The following RANBP1 variants were observed in gnomAD, a reference collection of about 807,000 sequenced individuals.
RANBP1 encodes ran-specific GTPase-activating protein.
A neutral mutation model predicts 31.4 loss-of-function variants in RANBP1; 16 were observed. The ratio of observed to expected loss-of-function variants is 0.51; its 90% confidence interval spans 0.34 to 0.77. The LOEUF (loss-of-function observed/expected upper bound fraction) is 0.77, where lower values mean the gene tolerates loss of function less well. RANBP1 is among the 30% of genes least tolerant of loss of function. The pLI, the probability that RANBP1 is intolerant of heterozygous loss-of-function variation, is 0.01. For missense variants in RANBP1, 265 were observed against 362.0 expected (o/e 0.73, Z 2.17); for synonymous variants, 129 against 140.5 (o/e 0.92, Z 0.58).
Position 20,116,435 on chromosome 22 carries a change from A to C in RANBP1, c.246+5A>C. ...TCCAGTTTAAAGATCTCAGAGGTAAACAAGTCATCCCTGATGTAGCTGTAG... is the reference window on the plus strand; with the variant it reads ...TCCAGTTTAAAGATCTCAGAGGTAACCAAGTCATCCCTGATGTAGCTGTAG... On this transcript the variant is annotated splice_donor_5th_base_variant and intron_variant, in intron 1 of 5. Transcript: ENST00000430524. 6.2e-7 allele frequency: 1 copy of C among 1,612,648 alleles called. No homozygotes were observed. The highest frequency in any genetic ancestry group is 1.7e-5 in the Admixed American group (1 of 60,016).
At chr22:20,120,220 A>T (rs1043307910) in intron 2 of RANBP1, among the ~76,000 whole-genome samples, 4 of 152,160 alleles carry the variant, frequency 2.6e-5, no homozygotes, top group Admixed American at 6.5e-5. Flanking sequence ...GCCAGGAGGG[A>T]TACCTGGGAA....
chr22:20,127,134 T>C lies in RANBP1; in HGVS notation c.*82T>C. 1 of 1,186,734 alleles carries C rather than the reference T, an allele frequency of 8.4e-7. No homozygotes were observed. The highest frequency in any genetic ancestry group is 1.6e-5 in the African/African-American group (1 of 64,056). 73.5% of individuals were successfully genotyped at this position (1,186,734 alleles called of 1,614,324 possible). A position where few individuals can be genotyped will look rare whatever the true frequency, so the allele number is the denominator to read the frequency against. ...ACCCTGCCCCTCTTTTTCGGTTTGT[T>C]TTTATTCTTTCATTTTTACAAGGGA... On this transcript the variant is annotated 3_prime_UTR_variant, in exon 6 of 6. Coordinates refer to ENST00000430524, the MANE Select transcript of RANBP1 (RefSeq NM_001278639.2).
At chr22:20,122,999 T>G (rs1602544735) in intron 3 of RANBP1, among the ~76,000 whole-genome samples, 1 of 44,340 alleles carries the variant, frequency 2.3e-5, no homozygotes, top group Non-Finnish European at 4.1e-5. Flanking sequence ...GGGGGTGTGG[T>G]GGGGTATGTG....
At chr22:20,126,813 G>T in intron 5 of RANBP1, 139 bp from the exon 6 acceptor site, 7 of 1,349,552 alleles carry the variant, frequency 5.2e-6, no homozygotes, top group Non-Finnish European at 7.1e-6. Flanking sequence ...CCAGGAGGCG[G>T]CTTGGCCAGG....
At chr22:20,118,399 AC>A in intron 1 of RANBP1, 4 of 956,788 alleles carry the variant, frequency 4.2e-6, no homozygotes, top group Non-Finnish European at 5.1e-6. Flanking sequence ...CATGACTTTC[AC>A]CGGTACAATT....
chr22:20,124,470 G>A (rs1387982554), intron 3 of RANBP1: 2 of 152,616 alleles, frequency 1.3e-5, no homozygotes, highest in Non-Finnish European at 2.9e-5. Flanking sequence ...TCCCAGTTCA[G>A]ATAGTGACGT....
At chr22:20,125,194 G>A (rs1435650229) in intron 3 of RANBP1, 114 bp from the exon 4 acceptor site, 5 of 1,207,666 alleles carry the variant, frequency 4.1e-6, no homozygotes, top group South Asian at 1.3e-5. Context: ...GACTGTCCCC[G>A]TGTTGTCTGA....
intron 1 of RANBP1, chr22:20,117,795 G>C (rs1277060267): frequency 1.9e-6 from 2 of 1,036,176 alleles, no homozygotes; most frequent in Non-Finnish European, 2.3e-6. Context: ...GCTGGGCCTC[G>C]GTGGCGCGGA....
intron 3 of RANBP1, 56 bp from the exon 4 acceptor site, chr22:20,125,252 G>A: frequency 6.2e-7 from 1 of 1,602,638 alleles, no homozygotes; most frequent in Non-Finnish European, 8.5e-7. Context: ...GCCGAGGGCT[G>A]GGTGGGCTGG....
At position 20,116,452 on chromosome 22, in the gene RANBP1, T is replaced by G. The variant is rs752310959; in HGVS notation, c.246+22T>G. On this transcript the variant is annotated intron_variant, in intron 1 of 5. Coordinates refer to ENST00000430524, the MANE Select transcript of RANBP1 (RefSeq NM_001278639.2). ...AGAGGTAAACAAGTCATCCCTGATG[T>G]AGCTGTAGAGCCCGGGCTGAGGCCC... The G allele has an allele frequency of 5.0e-6, 8 of 1,612,732 alleles. 1 individual carries two copies. The South Asian group carries it at 7.7e-5, about 15-fold the overall frequency.
Position 20,127,281 on chromosome 22 carries a change from CT to C in RANBP1, c.*232del. 2.8e-6 allele frequency: 1 copy of C among 359,868 alleles called. No homozygotes were observed. Among genetic ancestry groups the C allele is most frequent in the Non-Finnish European group, 5.2e-6 (1 of 192,808 alleles). 22.3% of individuals were successfully genotyped at this position (359,868 alleles called of 1,614,324 possible). A position where few individuals can be genotyped will look rare whatever the true frequency, so the allele number is the denominator to read the frequency against. On this transcript the variant is annotated 3_prime_UTR_variant, in exon 6 of 6. Transcript: ENST00000430524. ...CAGTCATGAAAATGTACTGTGCTAA[CT>C]TTCTTTTCCATAGTGGAAACACTTA...
At chr22:20,121,597 T>C (rs745602027) in intron 2 of RANBP1, among the ~76,000 whole-genome samples, 11 of 151,856 alleles carry the variant, frequency 7.2e-5, no homozygotes, top group Non-Finnish European at 1.3e-4. Flanking sequence ...CAGGCTGGAG[T>C]GCAGCAGTGG....
chr22:20,121,999 C>T lies in RANBP1; in HGVS notation c.384-265C>T, dbSNP rs144477697. 7.1e-4 allele frequency among the ~76,000 whole-genome samples: 106 copies of T among 149,508 alleles called. No individual in the cohort carries two copies. The Middle Eastern group carries it at 0.014, about 19-fold the overall frequency. On this transcript the variant is annotated intron_variant, in intron 2 of 5. Coordinates refer to ENST00000430524, the MANE Select transcript of RANBP1 (RefSeq NM_001278639.2). ...GATGACCTGCCCGCCTCGGCCTCCC[C>T]GAATGCTGGGATTACAAATGAGCCA...
chr22:20,125,813 G>T (rs73391909), intron 4 of RANBP1, among the ~76,000 whole-genome samples: 2,119 of 152,356 alleles, frequency 0.014, 42 homozygotes, highest in African/African-American at 0.047. Context: ...GGGGCCAGGG[G>T]CCCCTCATGG....
At chr22:20,117,906 C>G in intron 1 of RANBP1, 1 of 1,017,328 alleles carries the variant, frequency 9.8e-7, no homozygotes, top group Non-Finnish European at 1.2e-6. Context: ...CCCCGCGTGA[C>G]CTTGGGGTGG....
At chr22:20,126,201 C>G in intron 4 of RANBP1, 102 bp from the exon 5 acceptor site, 1 of 1,370,956 alleles carries the variant, frequency 7.3e-7, no homozygotes, top group Non-Finnish European at 1.0e-6. Context: ...CAGCAATTAC[C>G]ATGAAATGGG....
intron 3 of RANBP1, among the ~76,000 whole-genome samples, chr22:20,123,410 G>A (rs2050228221): frequency 1.0e-5 from 1 of 95,568 alleles, no homozygotes; most frequent in South Asian, 4.9e-4. Flanking sequence ...TGTTGTCTGG[G>A]GGTGTTGGGG....
chr22:20,116,686 G>A lies in RANBP1; in HGVS notation c.246+256G>A. ...CCTGGCCCCCCAAGCTTCCTTATGGGACACCCAGACCTCCGTCGGTGCACT... is the reference window on the plus strand; with the variant it reads ...CCTGGCCCCCCAAGCTTCCTTATGGAACACCCAGACCTCCGTCGGTGCACT... On this transcript the variant is annotated intron_variant, in intron 1 of 5. Coordinates refer to ENST00000430524, the MANE Select transcript of RANBP1 (RefSeq NM_001278639.2). The A allele has an allele frequency of 2.0e-6, 3 of 1,484,248 alleles. 1 individual carries two copies. In the South Asian group the frequency reaches 4.0e-5, roughly 20 times the overall value. The allele number at this position is 1,484,248 out of a possible 1,614,324, so 91.9% of individuals were successfully genotyped here.
chr22:20,123,443 GT>G (rs2050231364), intron 3 of RANBP1, among the ~76,000 whole-genome samples: 1 of 105,852 alleles, frequency 9.4e-6, no homozygotes, highest in African/African-American at 3.6e-5. Flanking sequence ...GGGGGGGTGT[GT>G]GGTGTCTGGG....
Sources: gnomAD v4.1 joint callset for allele counts (sites outside exome capture counted in the v4.1 genomes callset) on GRCh38, gnomAD v4.1.1 for gene constraint, MANE v1.5 for transcripts, NCBI Gene and HGNC (gene_info 2026-07-23, HGNC 2026-07-21) for gene names.